NUP98: variants seen among roughly 807,000 people sequenced by gnomAD.
NUP98 encodes nuclear pore complex protein Nup98-Nup96.
A neutral mutation model predicts 191.9 loss-of-function variants in NUP98; 26 were observed. The ratio of observed to expected loss-of-function variants is 0.14; its 90% CI spans 0.10 to 0.19. The LOEUF is 0.19. Ranked by LOEUF, NUP98 falls within the 10% of genes least tolerant of loss-of-function variation. NUP98 has a pLI of 1.00. For missense variants in NUP98, 1,941 were observed against 2,178.8 expected (o/e 0.89, Z 2.17); for synonymous variants, 808 against 778.4 (o/e 1.04, Z -0.63).
chr11:3,744,738 T>C, intron 11 of NUP98, 89 bp from the exon 12 acceptor site: 1 of 1,442,052 alleles, frequency 6.9e-7, no homozygotes, highest in Non-Finnish European at 9.3e-7. Flanking sequence ...ATAATACATT[T>C]GGAAACTTCA....
intron 12 of NUP98, among the ~76,000 whole-genome samples, chr11:3,737,547 A>G (rs2080114574): frequency 1.3e-5 from 2 of 152,202 alleles, no homozygotes. Flanking sequence ...GAATGGCGTG[A>G]ACCCAGGATA....
intron 5 of NUP98, among the ~76,000 whole-genome samples, chr11:3,775,606 C>A (rs117438914): frequency 0.011 from 1,605 of 151,334 alleles, 20 homozygotes; most frequent in Middle Eastern, 0.021. Context: ...ATTCTTAACA[C>A]AGTAAATTCA....
chr11:3,726,801 A>G (rs2079637903), intron 14 of NUP98, among the ~76,000 whole-genome samples: 1 of 147,560 alleles, frequency 6.8e-6, no homozygotes. Context: ...TTTTTTTTTG[A>G]GACAGGCTGG....
In NUP98 at chr11:3,731,537, A is replaced by T. The variant is rs775976960; in HGVS notation, c.1584T>A (p.Thr528=). The T allele has an allele frequency of 5.6e-6, 9 of 1,598,672 alleles. No homozygotes were observed. The highest frequency in any genetic ancestry group is 6.8e-6 in the Non-Finnish European group (8 of 1,172,320). The change falls in exon 14 of 33, where the codon ACT becomes ACA. Residue 528 remains threonine (T), a synonymous_variant. Coordinates refer to ENST00000324932, the MANE Select transcript of NUP98 (RefSeq NM_016320.5). ...PTNPAAQKAL[T]TPTHYKLTPR... ...GTGTCAGTTTATAATGAGTAGGTGT[A>T]GTAAGAGCCTTCTGGGCTGCTGGAT...
At chr11:3,775,176 G>T (rs276885) in intron 5 of NUP98, among the ~76,000 whole-genome samples, 77,298 of 151,910 alleles carry the variant, frequency 0.51, 20,013 homozygotes, top group African/African-American at 0.59. Context: ...GTATTTTTCA[G>T]TGGGTACAGA....
chr11:3,746,799 C>A (rs2080520095), intron 11 of NUP98, among the ~76,000 whole-genome samples: 1 of 151,432 alleles, frequency 6.6e-6, no homozygotes, highest in South Asian at 2.1e-4. Context: ...GTAATCCCAG[C>A]TACTCGGGAA....
intron 12 of NUP98, among the ~76,000 whole-genome samples, chr11:3,742,990 C>T (rs1019608153): frequency 4.6e-5 from 7 of 151,874 alleles, no homozygotes; most frequent in African/African-American, 1.7e-4. Context: ...TTTTCACTTC[C>T]TGTGGAATAT....
chr11:3,752,518 A>AAAT lies in NUP98; in HGVS notation c.1267+797_1267+798insATT, dbSNP rs1554897615. Among the ~76,000 whole-genome samples, 402 of 147,558 alleles carry AAAT rather than the reference A, an allele frequency of 2.7e-3. 3 individuals carry two copies. Among genetic ancestry groups the AAAT allele is most frequent in the African/African-American group, 9.2e-3 (365 of 39,782 alleles). On this transcript the variant is annotated intron_variant, in intron 11 of 32. Coordinates refer to ENST00000324932, the MANE Select transcript of NUP98 (RefSeq NM_016320.5). ...AACGACAGAGTGAGACTCCATCTCCAAAATAAATAAATAAATAAATAAATA... is the reference window on the plus strand; with the variant it reads ...AACGACAGAGTGAGACTCCATCTCCAAATAAATAAATAAATAAATAAATAAATA...
At chr11:3,764,939 T>C (rs2081289537) in intron 8 of NUP98, among the ~76,000 whole-genome samples, 1 of 152,234 alleles carries the variant, frequency 6.6e-6, no homozygotes, top group Non-Finnish European at 1.5e-5. Context: ...ATTTTGGTTT[T>C]CATTTGCCTT....
intron 6 of NUP98, among the ~76,000 whole-genome samples, 172 bp downstream of exon 6, chr11:3,773,460 T>A (rs1033900443): frequency 2.6e-5 from 4 of 152,076 alleles, no homozygotes; most frequent in Admixed American, 2.6e-4. Context: ...CCTAAACAAG[T>A]AGATATCTAT....
intron 11 of NUP98, among the ~76,000 whole-genome samples, chr11:3,748,078 AGTTT>A (rs772372190): frequency 2.0e-5 from 3 of 152,236 alleles, no homozygotes; most frequent in Non-Finnish European, 4.4e-5. Flanking sequence ...AACACAATGC[AGTTT>A]GTTTATTGTG....
chr11:3,687,589 G>A (rs932298414), intron 28 of NUP98, among the ~76,000 whole-genome samples: 1 of 152,152 alleles, frequency 6.6e-6, no homozygotes, highest in African/African-American at 2.4e-5. Context: ...CCAGAAGGTG[G>A]TTCTTTGAAA....
chr11:3,694,281 G>A (rs938957208), intron 26 of NUP98, among the ~76,000 whole-genome samples: 2 of 151,836 alleles, frequency 1.3e-5, no homozygotes, highest in Admixed American at 1.3e-4. Flanking sequence ...TGAGGCAGGA[G>A]AATCGCCTGA....
chr11:3,743,384 C>T (rs1272348967), intron 12 of NUP98, among the ~76,000 whole-genome samples: 2 of 150,436 alleles, frequency 1.3e-5, no homozygotes, highest in Non-Finnish European at 3.0e-5. Flanking sequence ...TGGTGGCTCA[C>T]GCCTCTAATC....
At chr11:3,770,710 T>C (rs993061101) in intron 7 of NUP98, among the ~76,000 whole-genome samples, 1 of 152,154 alleles carries the variant, frequency 6.6e-6, no homozygotes, top group Admixed American at 6.6e-5. Flanking sequence ...TTGTGAACTT[T>C]GTATCACATA....
At chr11:3,737,745 T>C (rs1195166527) in intron 12 of NUP98, among the ~76,000 whole-genome samples, 1 of 152,204 alleles carries the variant, frequency 6.6e-6, no homozygotes, top group Non-Finnish European at 1.5e-5. Context: ...CGTACATTCA[T>C]GTTGATATTT....
chr11:3,790,286 C>A (rs1181974886), intron 1 of NUP98, among the ~76,000 whole-genome samples: 1 of 152,122 alleles, frequency 6.6e-6, no homozygotes, highest in Non-Finnish European at 1.5e-5. Context: ...AGCCATGAAA[C>A]CCGACATATA....
At chr11:3,740,594 G>A (rs1365903663) in intron 12 of NUP98, among the ~76,000 whole-genome samples, 1 of 151,600 alleles carries the variant, frequency 6.6e-6, no homozygotes, top group African/African-American at 2.4e-5. Flanking sequence ...TCAATACACA[G>A]GTCAAAGTAT....
At chr11:3,763,804 TC>T (rs2081253012) in intron 8 of NUP98, among the ~76,000 whole-genome samples, 2 of 152,142 alleles carry the variant, frequency 1.3e-5, no homozygotes, top group South Asian at 4.1e-4. Flanking sequence ...TGCCTCAGCC[TC>T]CCAAAATGCT....
Sources: allele counts gnomAD v4.1 joint callset (sites outside exome capture counted in the v4.1 genomes callset), GRCh38; gene constraint gnomAD v4.1.1; transcripts MANE v1.5; gene names NCBI Gene and HGNC (gene_info 2026-07-23, HGNC 2026-07-21).